ZNF804A: variants seen among roughly 807,000 people sequenced by gnomAD.
ZNF804A encodes the protein zinc finger protein 804A.
A neutral mutation model predicts 16.5 loss-of-function variants in ZNF804A; 2 were observed. That is an observed-to-expected ratio of 0.12 (90% CI 0.05 to 0.38). ZNF804A has a LOEUF of 0.38. Ranked by LOEUF, ZNF804A falls within the 10% of genes least tolerant of loss-of-function variation. The pLI is 0.99. For synonymous variants in ZNF804A, 534 were observed against 489.6 expected, an observed-to-expected ratio of 1.09 and a Z score of -1.20; for missense variants, 1,473 against 1,390.7, an observed-to-expected ratio of 1.06 and a Z score of -0.94.
intron 2 of ZNF804A, among the ~76,000 whole-genome samples, chr2:184,868,408 CA>C (rs1376596955): frequency 6.6e-5 from 10 of 151,992 alleles, no homozygotes. Context: ...ATGACTCTAA[CA>C]CATTGTTCAC....
chr2:184,829,591 G>T (rs972778290), intron 1 of ZNF804A, among the ~76,000 whole-genome samples: 66 of 151,950 alleles, frequency 4.3e-4, no homozygotes, highest in African/African-American at 1.4e-3. Flanking sequence ...ACGGGCAAAA[G>T]AAAATCTAGA....
In ZNF804A at chr2:184,835,402, G is replaced by T. The variant is rs192907494; in HGVS notation, c.112-30967G>T. Among the ~76,000 whole-genome samples, 19 of 152,216 alleles carry T rather than the reference G, an allele frequency of 1.2e-4. No homozygotes were observed. The East Asian group carries it at 3.3e-3, about 26-fold the overall frequency. On this transcript the variant is annotated intron_variant, in intron 1 of 3. Transcript: ENST00000302277. ...TGCAGTAATTTCTAGAAAAAGGATG[G>T]TAACTTCTGGGTATCCAGTGGTTGG...
intron 1 of ZNF804A, among the ~76,000 whole-genome samples, chr2:184,754,646 T>G (rs1257041422): frequency 6.6e-6 from 1 of 151,930 alleles, no homozygotes; most frequent in Non-Finnish European, 1.5e-5. Flanking sequence ...CAGCTTTGTT[T>G]TTTCTTTGAA....
chr2:184,859,146 A>G (rs1301145484), intron 1 of ZNF804A, among the ~76,000 whole-genome samples: 1 of 152,032 alleles, frequency 6.6e-6, no homozygotes, highest in Non-Finnish European at 1.5e-5. Context: ...CTAGATATTT[A>G]TATCTTTCCT....
At chr2:184,850,058 C>A (rs951239989) in intron 1 of ZNF804A, among the ~76,000 whole-genome samples, 2 of 151,700 alleles carry the variant, frequency 1.3e-5, no homozygotes, top group Non-Finnish European at 2.9e-5. Context: ...TGATGGTTAC[C>A]AGCAGCAGGG....
intron 1 of ZNF804A, among the ~76,000 whole-genome samples, chr2:184,630,613 T>C (rs1362457176): frequency 6.6e-6 from 1 of 152,094 alleles, no homozygotes; most frequent in African/African-American, 2.4e-5. Flanking sequence ...ATTCTAAGGG[T>C]AAAAAATTCA....
At chr2:184,803,689 G>C (rs910155343) in intron 1 of ZNF804A, among the ~76,000 whole-genome samples, 1 of 152,062 alleles carries the variant, frequency 6.6e-6, no homozygotes, top group Non-Finnish European at 1.5e-5. Context: ...TAAAACAATT[G>C]CAATTTAATT....
chr2:184,768,855 A>T (rs1157674269), intron 1 of ZNF804A, among the ~76,000 whole-genome samples: 1 of 152,088 alleles, frequency 6.6e-6, no homozygotes, highest in Non-Finnish European at 1.5e-5. Context: ...CCAAATGATC[A>T]TAGCAAAGCA....
chr2:184,847,343 G>A (rs887561956), intron 1 of ZNF804A, among the ~76,000 whole-genome samples: 2 of 151,968 alleles, frequency 1.3e-5, no homozygotes, highest in African/African-American at 4.8e-5. Flanking sequence ...GTATATCTGT[G>A]ACTTTTGATA....
chr2:184,900,147 G>A (rs1340050642), intron 2 of ZNF804A, among the ~76,000 whole-genome samples: 1 of 152,078 alleles, frequency 6.6e-6, no homozygotes, highest in Non-Finnish European at 1.5e-5. Context: ...CATCAGCTCT[G>A]ATTCTCTGCA....
intron 2 of ZNF804A, among the ~76,000 whole-genome samples, chr2:184,879,520 G>A (rs1213710441): frequency 1.3e-5 from 2 of 151,920 alleles, no homozygotes; most frequent in African/African-American, 4.8e-5. Context: ...AGGCAATTGT[G>A]TTTACAGAAA....
At chr2:184,730,230 G>A (rs1014889394) in intron 1 of ZNF804A, among the ~76,000 whole-genome samples, 1 of 151,552 alleles carries the variant, frequency 6.6e-6, no homozygotes, top group African/African-American at 2.4e-5. Context: ...ATTTTTTTTA[G>A]AATAGTTTTA....
At chr2:184,634,892 A>T (rs1009658485) in intron 1 of ZNF804A, among the ~76,000 whole-genome samples, 8 of 152,136 alleles carry the variant, frequency 5.3e-5, no homozygotes, top group Non-Finnish European at 1.2e-4. Flanking sequence ...TTAAATTATT[A>T]ATTGTTTATA....
chr2:184,619,743 C>G (rs747242560), intron 1 of ZNF804A, among the ~76,000 whole-genome samples: 1 of 151,808 alleles, frequency 6.6e-6, no homozygotes, highest in African/African-American at 2.4e-5. Context: ...AGGTTGTGAT[C>G]TCATCACAAC....
chr2:184,919,413 C>A (rs1158171163), intron 2 of ZNF804A, among the ~76,000 whole-genome samples: 1 of 152,100 alleles, frequency 6.6e-6, no homozygotes, highest in Non-Finnish European at 1.5e-5. Flanking sequence ...CATTGCTGAG[C>A]CCATGTATGA....
At chr2:184,777,245 C>T (rs1173109032) in intron 1 of ZNF804A, among the ~76,000 whole-genome samples, 1 of 151,610 alleles carries the variant, frequency 6.6e-6, no homozygotes, top group African/African-American at 2.4e-5. Flanking sequence ...ACTGGACCCA[C>T]CATTTTGATA....
chr2:184,870,514 T>C (rs1030922964), intron 2 of ZNF804A, among the ~76,000 whole-genome samples: 6 of 152,000 alleles, frequency 3.9e-5, no homozygotes, highest in Admixed American at 6.6e-5. Flanking sequence ...GATCTCATAC[T>C]CTCTGAAACT....
chr2:184,604,377 G>C (rs1691106357), intron 1 of ZNF804A, among the ~76,000 whole-genome samples: 2 of 151,700 alleles, frequency 1.3e-5, no homozygotes, highest in South Asian at 4.2e-4. Flanking sequence ...GTTTCACCGT[G>C]TTAGCCAGGA....
chr2:184,815,822 A>T (rs751643606), intron 1 of ZNF804A, among the ~76,000 whole-genome samples: 4 of 152,132 alleles, frequency 2.6e-5, no homozygotes, highest in Non-Finnish European at 5.9e-5. Flanking sequence ...CATTGACTCT[A>T]TCAAGATGAG....
Sources: gnomAD v4.1 joint callset for allele counts (sites outside exome capture counted in the v4.1 genomes callset) on GRCh38, gnomAD v4.1.1 for gene constraint, MANE v1.5 for transcripts, NCBI Gene and HGNC (gene_info 2026-07-23, HGNC 2026-07-21) for gene names.